Variants in TEX11 observed in about 807,000 individuals in gnomAD.
TEX11 encodes testis-expressed protein 11.
A neutral mutation model predicts 84.4 loss-of-function variants in TEX11; 7 were observed. That is an observed-to-expected ratio of 0.08 (90% CI 0.05 to 0.16). TEX11 has a LOEUF of 0.16. Ranked by LOEUF, TEX11 falls within the 10% of genes least tolerant of loss-of-function variation. TEX11 has a pLI of 1.00. For synonymous variants in TEX11, 264 were observed against 222.8 expected (o/e 1.18, Z -1.64); for missense variants, 551 against 660.5 (o/e 0.83, Z 1.82).
chrX:70,596,109 A>T (rs1321280341), intron 24 of TEX11, among the ~76,000 whole-genome samples: 5 of 111,715 alleles, frequency 4.5e-5, no homozygotes, highest in Non-Finnish European at 9.4e-5. Context: ...AACATATATG[A>T]CCTAACAACA....
intron 21 of TEX11, 132 bp downstream of exon 21, chrX:70,610,371 G>T: frequency 3.5e-6 from 2 of 567,455 alleles, no homozygotes; most frequent in Non-Finnish European, 5.5e-6. Context: ...AGATTCCTGT[G>T]GCAAAGATTA....
chrX:70,553,047 G>A (rs940520237), intron 27 of TEX11, among the ~76,000 whole-genome samples: 48 of 112,091 alleles, frequency 4.3e-4, no homozygotes, highest in African/African-American at 1.5e-3. Context: ...GTACTTAGCA[G>A]TTTTATTATA....
At chrX:70,880,765 C>T (rs1204159874) in intron 2 of TEX11, among the ~76,000 whole-genome samples, 2 of 110,623 alleles carry the variant, frequency 1.8e-5, no homozygotes, top group Non-Finnish European at 3.8e-5. Context: ...ATGACATGCT[C>T]AATTAGCAAC....
intron 25 of TEX11, among the ~76,000 whole-genome samples, chrX:70,566,582 A>G (rs1413550799): frequency 1.8e-5 from 2 of 111,419 alleles, no homozygotes. Flanking sequence ...CATCCCATCA[A>G]TACCTAATTT....
intron 13 of TEX11, among the ~76,000 whole-genome samples, chrX:70,712,320 T>G (rs934789616): frequency 8.9e-6 from 1 of 111,955 alleles, no homozygotes; most frequent in Non-Finnish European, 1.9e-5. Flanking sequence ...TTTCCAATTC[T>G]GTGAAGAAAG....
chrX:70,514,871 T>C, the TEX11 span, among the ~76,000 whole-genome samples: 1 of 110,376 alleles, frequency 9.1e-6, no homozygotes, highest in Non-Finnish European at 1.9e-5. Context: ...AGTTCGAGAC[T>C]AGCTTGGCCT....
chrX:70,615,976 A>G (rs1453493579), intron 20 of TEX11, among the ~76,000 whole-genome samples: 1 of 111,776 alleles, frequency 8.9e-6, no homozygotes, highest in Non-Finnish European at 1.9e-5. Flanking sequence ...TTCCCAGACA[A>G]ACAAAAGCTG....
chrX:70,820,224 C>T (rs2091311497), intron 8 of TEX11, among the ~76,000 whole-genome samples: 1 of 111,757 alleles, frequency 8.9e-6, no homozygotes. Flanking sequence ...CAAACATATA[C>T]ACTAATGGAA....
At chrX:70,691,457 T>C (rs1441814854) in intron 13 of TEX11, among the ~76,000 whole-genome samples, 2 of 111,993 alleles carry the variant, frequency 1.8e-5, no homozygotes, top group Non-Finnish European at 3.8e-5. Context: ...GTGATGTATA[T>C]ACATACAATG....
At chrX:70,594,713 T>C (rs942308413) in intron 24 of TEX11, among the ~76,000 whole-genome samples, 2 of 110,553 alleles carry the variant, frequency 1.8e-5, no homozygotes, top group African/African-American at 6.6e-5. Flanking sequence ...CAGTGGGAGG[T>C]AATTGAATCA....
chrX:70,842,602 A>C (rs1268140649), intron 7 of TEX11, among the ~76,000 whole-genome samples: 3 of 111,828 alleles, frequency 2.7e-5, no homozygotes, highest in Non-Finnish European at 5.6e-5. Context: ...CACCACTCCT[A>C]TTCAACATAG....
chrX:70,527,035 T>C (rs1277226725), downstream of TEX11, among the ~76,000 whole-genome samples: 4 of 111,631 alleles, frequency 3.6e-5, no homozygotes, highest in African/African-American at 1.3e-4. Flanking sequence ...CATGAATAAA[T>C]AGGGGAGAAG....
At chrX:70,607,322 C>T (rs1177879509) in intron 22 of TEX11, among the ~76,000 whole-genome samples, 2 of 111,382 alleles carry the variant, frequency 1.8e-5, no homozygotes, top group Non-Finnish European at 3.8e-5. Context: ...GGCTTGGTGG[C>T]TCATTCCTAT....
At chrX:70,534,272 A>C (rs183795690) in intron 28 of TEX11, among the ~76,000 whole-genome samples, 1 of 110,004 alleles carries the variant, frequency 9.1e-6, no homozygotes, top group African/African-American at 3.3e-5. Context: ...AGGAGGAAGT[A>C]GATGAATTTG....
At chrX:70,599,982 G>A (rs1435114240) in intron 24 of TEX11, among the ~76,000 whole-genome samples, 3 of 110,344 alleles carry the variant, frequency 2.7e-5, no homozygotes, top group South Asian at 4.0e-4. Context: ...ATAAACATAC[G>A]TGTGCATGTG....
intron 13 of TEX11, among the ~76,000 whole-genome samples, chrX:70,700,912 C>A (rs913865024): frequency 8.0e-5 from 9 of 112,136 alleles, no homozygotes; most frequent in African/African-American, 2.6e-4. Context: ...AGCCACAGCA[C>A]GTTCTTGAGC....
chrX:70,750,933 AATATATATAT>A (rs1169707708), intron 9 of TEX11, among the ~76,000 whole-genome samples: 15 of 28,188 alleles, frequency 5.3e-4, no homozygotes, highest in Admixed American at 7.5e-4. Context: ...AAAAAAAAAA[AATATATATAT>A]ATATATATAT....
At chrX:70,610,457 A>G in intron 21 of TEX11, 46 bp downstream of exon 21, 1 of 1,140,216 alleles carries the variant, frequency 8.8e-7, no homozygotes, top group Non-Finnish European at 1.2e-6. Context: ...TTCAACAGAG[A>G]ATAGAGGCAA....
chrX:70,796,789 T>C (rs928579660), intron 9 of TEX11, among the ~76,000 whole-genome samples: 3 of 110,994 alleles, frequency 2.7e-5, no homozygotes, highest in Non-Finnish European at 5.7e-5. Context: ...CATTAAAAAG[T>C]GGGGGTTAAA....
Sources: gnomAD v4.1 joint callset for allele counts (sites outside exome capture counted in the v4.1 genomes callset) on GRCh38, gnomAD v4.1.1 for gene constraint, MANE v1.5 for transcripts, NCBI Gene and HGNC (gene_info 2026-07-23, HGNC 2026-07-21) for gene names.